PCNX1: variants seen among roughly 807,000 people sequenced by gnomAD.
The protein encoded by PCNX1 is pecanex-like protein 1.
Under a neutral mutation model 242.2 loss-of-function variants are expected in PCNX1, and 78 were observed. That is an observed-to-expected ratio of 0.32 (90% CI 0.27 to 0.39). The LOEUF (loss-of-function observed/expected upper bound fraction) is 0.39, where lower values mean the gene tolerates loss of function less well. Ranked by LOEUF, PCNX1 falls within the 10% of genes least tolerant of loss-of-function variation. The pLI is 1.00. For synonymous variants in PCNX1, 1,024 were observed against 1,032.9 expected, an observed-to-expected ratio of 0.99 and a Z score of 0.17; for missense variants, 2,581 against 2,856.5, an observed-to-expected ratio of 0.90 and a Z score of 2.20.
At chr14:71,036,727 G>A (rs1048773182) in intron 19 of PCNX1, among the ~76,000 whole-genome samples, 1 of 152,030 alleles carries the variant, frequency 6.6e-6, no homozygotes, top group African/African-American at 2.4e-5. Flanking sequence ...ACTTTGTTTG[G>A]ACTTATTTCT....
intron 1 of PCNX1, among the ~76,000 whole-genome samples, chr14:70,944,878 T>A (rs1251875756): frequency 6.6e-6 from 1 of 152,212 alleles, no homozygotes; most frequent in Non-Finnish European, 1.5e-5. Context: ...CATTTCTCTC[T>A]CCTGCTGCCC....
intron 8 of PCNX1, among the ~76,000 whole-genome samples, chr14:71,000,526 A>ATTTTT (rs3083305): frequency 4.7e-5 from 6 of 126,702 alleles, no homozygotes; most frequent in African/African-American, 1.5e-4. Context: ...CTGTCCCTTG[A>ATTTTT]TTTTTTTTTT....
chr14:71,063,946 CTT>C (rs2061385815), intron 26 of PCNX1, among the ~76,000 whole-genome samples: 1 of 151,994 alleles, frequency 6.6e-6, no homozygotes, highest in African/African-American at 2.4e-5. Flanking sequence ...ATTACACTTT[CTT>C]TCATGTTAAT....
Position 70,995,788 on chromosome 14 carries a change from T to G in PCNX1, c.2492T>G (p.Val831Gly), listed in dbSNP as rs768865182. 1 of 1,614,076 alleles carries G rather than the reference T, an allele frequency of 6.2e-7. No individual in the cohort carries two copies. The highest frequency in any genetic ancestry group is 8.5e-7 in the Non-Finnish European group (1 of 1,180,010). ...QGQQSTAQVK[V>G]QSRPPSQAAV... Reference sequence around the variant, plus strand: ...CAGCAGTCCACAGCCCAGGTCAAAGTCCAGTCCCGCCCCCCTTCCCAGGCT... The same window carrying G: ...CAGCAGTCCACAGCCCAGGTCAAAGGCCAGTCCCGCCCCCCTTCCCAGGCT... The change falls in exon 8 of 36, where the codon GTC becomes GGC. Residue 831 changes from valine (V) to glycine (G), a missense_variant. Transcript: ENST00000304743.
chr14:70,927,138 A>G (rs893233581), intron 1 of PCNX1, among the ~76,000 whole-genome samples: 4 of 152,208 alleles, frequency 2.6e-5, no homozygotes, highest in Admixed American at 2.0e-4. Context: ...TAAATTTGTC[A>G]TTCTCCTAAG....
In PCNX1 at chr14:70,989,445, G is replaced by A. The variant is rs74806931; in HGVS notation, c.2444+746G>A. Among the ~76,000 whole-genome samples the A allele has an allele frequency of 9.7e-3, 1,465 of 151,438 alleles. 19 individuals carry two copies. Among genetic ancestry groups the A allele is most frequent in the African/African-American group, 0.033 (1,354 of 41,280 alleles). ...CTTTATTCTTAATTACATCAAATCT[G>A]CTGAATCTATGCCCTGAATTAGAAA... On this transcript the variant is annotated intron_variant, in intron 7 of 35. Coordinates refer to ENST00000304743, the MANE Select transcript of PCNX1 (RefSeq NM_014982.3).
At chr14:71,063,161 C>G (rs1364597783) in intron 26 of PCNX1, among the ~76,000 whole-genome samples, 2 of 152,146 alleles carry the variant, frequency 1.3e-5, no homozygotes, top group African/African-American at 4.8e-5. Flanking sequence ...TATTTTTTCT[C>G]TAGCCAAAGG....
intron 26 of PCNX1, among the ~76,000 whole-genome samples, chr14:71,064,934 A>G (rs1372662536): frequency 6.6e-6 from 1 of 152,216 alleles, no homozygotes; most frequent in Non-Finnish European, 1.5e-5. Flanking sequence ...ATGTCCCTGC[A>G]AAGGCCATGA....
At chr14:70,923,132 T>A (rs1454453226) in intron 1 of PCNX1, among the ~76,000 whole-genome samples, 2 of 152,184 alleles carry the variant, frequency 1.3e-5, no homozygotes, top group Non-Finnish European at 2.9e-5. Flanking sequence ...AACTGCCTTT[T>A]GTATATTTTG....
chr14:71,095,016 T>C (rs576042065), intron 30 of PCNX1, among the ~76,000 whole-genome samples: 2 of 152,372 alleles, frequency 1.3e-5, no homozygotes, highest in South Asian at 4.1e-4. Flanking sequence ...TACTTTCATA[T>C]GCATTAGATC....
chr14:71,087,983 G>C (rs1468080551), intron 28 of PCNX1, among the ~76,000 whole-genome samples: 1 of 151,860 alleles, frequency 6.6e-6, no homozygotes, highest in African/African-American at 2.4e-5. Context: ...AAAGAAAGAA[G>C]TAGCTAATAG....
Position 70,907,623 on chromosome 14 carries a change from TCCGCCCCGCCGCTCG to T in PCNX1, c.-222_-208del, listed in dbSNP as rs2055615594. 1 of 305,278 alleles carries T rather than the reference TCCGCCCCGCCGCTCG, an allele frequency of 3.3e-6. No homozygotes were observed. The highest frequency in any genetic ancestry group is 5.5e-6 in the Non-Finnish European group (1 of 182,292). The allele number at this position is 305,278 out of a possible 1,614,324, so 18.9% of individuals were successfully genotyped here. On this transcript the variant is annotated 5_prime_UTR_variant, in exon 1 of 36. Coordinates refer to ENST00000304743, the MANE Select transcript of PCNX1 (RefSeq NM_014982.3). ...GCCGGTCTCCTCCTCTCCGCCGTCC[TCCGCCCCGCCGCTCG>T]CCGCCTCCTCCTCTCGGGTCTCCTC... is the stretch of plus-strand genomic sequence containing the variant.
intron 2 of PCNX1, among the ~76,000 whole-genome samples, chr14:70,956,563 A>C (rs1283690605): frequency 6.6e-6 from 1 of 152,090 alleles, no homozygotes; most frequent in Non-Finnish European, 1.5e-5. Flanking sequence ...TGTCTCTTAA[A>C]AAAACAAAAC....
intron 16 of PCNX1, among the ~76,000 whole-genome samples, chr14:71,030,316 G>T (rs944106266): frequency 3.3e-5 from 5 of 152,120 alleles, no homozygotes; most frequent in Non-Finnish European, 5.9e-5. Context: ...CTTTATGAAA[G>T]TTGGAGGCTT....
chr14:71,081,168 C>A (rs1190637848), intron 28 of PCNX1, among the ~76,000 whole-genome samples: 1 of 152,068 alleles, frequency 6.6e-6, no homozygotes, highest in African/African-American at 2.4e-5. Context: ...TGATGGATTA[C>A]GTTTATTGAT....
intron 1 of PCNX1, among the ~76,000 whole-genome samples, chr14:70,933,026 G>A (rs2056865600): frequency 6.6e-6 from 1 of 152,128 alleles, no homozygotes; most frequent in African/African-American, 2.4e-5. Flanking sequence ...TGAGGGGGAA[G>A]ACACCAAAAA....
intron 8 of PCNX1, among the ~76,000 whole-genome samples, chr14:71,002,907 A>G (rs997020188): frequency 1.3e-5 from 2 of 152,134 alleles, no homozygotes; most frequent in African/African-American, 2.4e-5. Context: ...TTAGAATTGT[A>G]GACATAATGG....
intron 1 of PCNX1, among the ~76,000 whole-genome samples, chr14:70,940,602 G>A (rs1018795802): frequency 1.1e-4 from 16 of 152,088 alleles, no homozygotes; most frequent in African/African-American, 3.9e-4. Flanking sequence ...ACAATTATGT[G>A]TCTTGGAGTT....
intron 8 of PCNX1, among the ~76,000 whole-genome samples, chr14:70,998,750 C>CAAAA (rs34044438): frequency 1.1e-5 from 1 of 89,086 alleles, no homozygotes; most frequent in Non-Finnish European, 2.3e-5. Context: ...GACCCTATCT[C>CAAAA]AAAAAAAAAA....
Sources: allele counts gnomAD v4.1 joint callset (sites outside exome capture counted in the v4.1 genomes callset), GRCh38; gene constraint gnomAD v4.1.1; transcripts MANE v1.5; gene names NCBI Gene and HGNC (gene_info 2026-07-23, HGNC 2026-07-21).